BID: variants seen among roughly 807,000 people sequenced by gnomAD.
BID encodes the protein BH3-interacting domain death agonist.
Under a neutral mutation model 17.4 loss-of-function variants are expected in BID, and 19 were observed. That is an observed-to-expected ratio of 1.09 (90% CI 0.76 to 1.60). BID has a LOEUF of 1.60. Ranked by LOEUF, BID falls within the 40% of genes most tolerant of loss-of-function variation. The pLI, the probability that BID is intolerant of heterozygous loss-of-function variation, is 0.00. For synonymous variants in BID, 108 were observed against 102.8 expected (o/e 1.05, Z -0.31); for missense variants, 226 against 256.0 (o/e 0.88, Z 0.80).
chr22:17,762,239 G>A (rs1376735543), intron 1 of BID, among the ~76,000 whole-genome samples: 3 of 152,206 alleles, frequency 2.0e-5, no homozygotes, highest in South Asian at 2.1e-4. Flanking sequence ...GCTCACGCTC[G>A]TAATCCCAGA....
chr22:17,760,133 CA>C (rs34899110), intron 1 of BID, among the ~76,000 whole-genome samples: 683 of 65,186 alleles, frequency 0.01, 3 homozygotes, highest in African/African-American at 0.036. Context: ...GACTCCATCT[CA>C]AAAAAAAAAA....
Position 17,772,980 on chromosome 22 carries a change from G to A in BID, c.-59+1401C>T, listed in dbSNP as rs78258369. On this transcript the variant is annotated intron_variant, in intron 1 of 5. Transcript: ENST00000622694. Reference sequence around the variant, plus strand: ...ACTAACAGCACCTCGCCCCAGCCACGGCAGGTCTCTGCACCCCTCGTCTCA... The same window carrying A: ...ACTAACAGCACCTCGCCCCAGCCACAGCAGGTCTCTGCACCCCTCGTCTCA... Among the ~76,000 whole-genome samples, 604 of 152,144 alleles carry A rather than the reference G, an allele frequency of 4.0e-3. 6 individuals are homozygous for A. Among genetic ancestry groups the A allele is most frequent in the African/African-American group, 0.013 (556 of 41,498 alleles).
chr22:17,753,816 C>G (rs959430973), intron 1 of BID, among the ~76,000 whole-genome samples: 2 of 152,246 alleles, frequency 1.3e-5, no homozygotes, highest in Non-Finnish European at 2.9e-5. Context: ...TGCCCTCATG[C>G]CAGGACACTC....
chr22:17,751,933 C>G, intron 1 of BID, among the ~76,000 whole-genome samples: 1 of 152,200 alleles, frequency 6.6e-6, no homozygotes, highest in East Asian at 1.9e-4. Flanking sequence ...AGGAAACAGG[C>G]CACAGAGGCC....
At chr22:17,751,378 CAA>C (rs771455561) in intron 1 of BID, among the ~76,000 whole-genome samples, 17 of 80,626 alleles carry the variant, frequency 2.1e-4, no homozygotes, top group South Asian at 4.1e-4. Flanking sequence ...GACTCCGTCT[CAA>C]AAAAAAAAAA....
intron 2 of BID, among the ~76,000 whole-genome samples, chr22:17,746,077 G>A (rs923842269): frequency 4.6e-5 from 7 of 152,116 alleles, no homozygotes; most frequent in East Asian, 3.8e-4. Context: ...GCAGCAACAC[G>A]GATGGAGCTA....
At position 17,734,817 on chromosome 22, in the gene BID, A is replaced by C. The variant is rs1226467224; in HGVS notation, c.*763T>G. 6.6e-6 allele frequency: 1 copy of C among 152,268 alleles called. No individual in the cohort carries two copies. Among genetic ancestry groups the C allele is most frequent in the East Asian group, 1.9e-4 (1 of 5,200 alleles). 9.4% of individuals were successfully genotyped at this position (152,268 alleles called of 1,614,324 possible). On this transcript the variant is annotated 3_prime_UTR_variant, in exon 6 of 6. Transcript: ENST00000622694. Reference sequence around the variant, plus strand: ...AGCAAAGTCTTGATGTCATGGAAAGAGAAAAAGTGTATGCAGTTAGTTACC... The same window carrying C: ...AGCAAAGTCTTGATGTCATGGAAAGCGAAAAAGTGTATGCAGTTAGTTACC...
At chr22:17,745,380 T>G (rs1279883172) in intron 2 of BID, among the ~76,000 whole-genome samples, 1 of 152,156 alleles carries the variant, frequency 6.6e-6, no homozygotes, top group Non-Finnish European at 1.5e-5. Flanking sequence ...CAAATTGTTT[T>G]AATGCTTTGC....
intron 3 of BID, chr22:17,740,035 T>C: frequency 6.3e-7 from 1 of 1,580,602 alleles, no homozygotes; most frequent in Non-Finnish European, 8.6e-7. Flanking sequence ...TGCCCCTCAG[T>C]CCTCCTCCTC....
intron 2 of BID, among the ~76,000 whole-genome samples, chr22:17,747,987 G>C (rs1334250146): frequency 6.6e-6 from 1 of 152,052 alleles, no homozygotes; most frequent in Non-Finnish European, 1.5e-5. Context: ...GAGGCGGGCA[G>C]ATCGCGAGGT....
Position 17,769,036 on chromosome 22 carries a change from G to A in BID, c.-59+5345C>T, listed in dbSNP as rs887047852. Among the ~76,000 whole-genome samples the A allele has an allele frequency of 4.2e-5, 6 of 142,564 alleles. No individual in the cohort carries two copies. Among genetic ancestry groups the A allele is most frequent in the East Asian group, 2.0e-4 (1 of 4,914 alleles). The allele number at this position is 142,564 out of a possible 152,430, so 93.5% of individuals were successfully genotyped here. On this transcript the variant is annotated intron_variant, in intron 1 of 5. Transcript: ENST00000622694. This position sits in a 1 kb window ranked among gnomAD's most constrained non-coding sequence, Gnocchi z 4.8. Reference sequence around the variant, plus strand: ...CAGCCTGGGCGACAGAGTGAGACTCGTCTCAAAAATAAATAAATAAATAAA... The same window carrying A: ...CAGCCTGGGCGACAGAGTGAGACTCATCTCAAAAATAAATAAATAAATAAA...
At chr22:17,757,960 A>C (rs2061606321) in intron 1 of BID, among the ~76,000 whole-genome samples, 1 of 152,186 alleles carries the variant, frequency 6.6e-6, no homozygotes, top group African/African-American at 2.4e-5. Context: ...AAACTTCAGG[A>C]AGCTGCCAGT....
At chr22:17,742,316 C>T (rs913611760) in intron 3 of BID, among the ~76,000 whole-genome samples, 21 of 152,342 alleles carry the variant, frequency 1.4e-4, no homozygotes, top group African/African-American at 5.1e-4. Context: ...ACTGGGGCTA[C>T]AGTCACCCCC....
At chr22:17,770,378 G>A (rs977861540) in intron 1 of BID, among the ~76,000 whole-genome samples, 1 of 152,192 alleles carries the variant, frequency 6.6e-6, no homozygotes, top group African/African-American at 2.4e-5. Context: ...CCTGACATGT[G>A]ACATCCACTT....
chr22:17,750,140 G>C lies in BID; in HGVS notation c.-24C>G, dbSNP rs372778453. On this transcript the variant is annotated 5_prime_UTR_variant, in exon 2 of 6. Transcript: ENST00000622694. ...ATGGCCTGGGCAGCGCGGCAGCTCC[G>C]ACTCACTCCTGGTTCACAGTGTCCC... The C allele has an allele frequency of 3.7e-6, 6 of 1,613,160 alleles. No homozygotes were observed. Among genetic ancestry groups the C allele is most frequent in the Non-Finnish European group, 5.1e-6 (6 of 1,179,906 alleles).
intron 1 of BID, among the ~76,000 whole-genome samples, chr22:17,755,281 C>T (rs543129627): frequency 1.3e-5 from 2 of 152,088 alleles, no homozygotes; most frequent in African/African-American, 4.8e-5. Context: ...CTAGGAACGT[C>T]GATCCACCCA....
rs908037871 is a variant in BID at position 17,735,780 on chromosome 22, G to A, written c.577-189C>T. ...AACTGCAAAAACAGGCCGTTCAGGC[G>A]GTGAGGTGGGTATTCACATCTCCAA... On this transcript the variant is annotated intron_variant, in intron 5 of 5. Transcript: ENST00000622694. 2.6e-5 allele frequency among the ~76,000 whole-genome samples: 4 copies of A among 152,194 alleles called. 1 individual carries two copies. The highest frequency in any genetic ancestry group is 6.3e-3 in the Middle Eastern group (2 of 316).
At chr22:17,737,670 G>A (rs2145871451) in intron 5 of BID, among the ~76,000 whole-genome samples, 1 of 152,184 alleles carries the variant, frequency 6.6e-6, no homozygotes, top group East Asian at 1.9e-4. Flanking sequence ...TTTATGGCAA[G>A]GTGAGAGGTC....
chr22:17,735,197 C>T lies in BID; in HGVS notation c.*383G>A, dbSNP rs2061410894. On this transcript the variant is annotated 3_prime_UTR_variant, in exon 6 of 6. Coordinates refer to ENST00000622694, the MANE Select transcript of BID (RefSeq NM_001196.4). The stretch of plus-strand genomic sequence containing the variant: ...TCCTCTATGGTTGTACTTTAATAAA[C>T]AGTAATTTTTTTTTACCAAAAAAAT... 1 of 221,496 alleles carries T rather than the reference C, an allele frequency of 4.5e-6. No individual in the cohort carries two copies. Among genetic ancestry groups the T allele is most frequent in the South Asian group, 6.5e-5 (1 of 15,352 alleles). 13.7% of individuals were successfully genotyped at this position (221,496 alleles called of 1,614,324 possible).
Sources: gnomAD v4.1 joint callset for allele counts (sites outside exome capture counted in the v4.1 genomes callset) on GRCh38, gnomAD v4.1.1 for gene constraint, Gnocchi (gnomAD v3.1) non-coding constraint, MANE v1.5 for transcripts, NCBI Gene and HGNC (gene_info 2026-07-23, HGNC 2026-07-21) for gene names.